ITPKA: variants seen among roughly 807,000 people sequenced by gnomAD.
The protein encoded by ITPKA is inositol-trisphosphate 3-kinase A.
A neutral mutation model predicts 40.7 loss-of-function variants in ITPKA; 16 were observed. The ratio of observed to expected loss-of-function variants is 0.39; its 90% CI spans 0.27 to 0.60. The LOEUF is 0.60. Among genes scored for constraint, ITPKA ranks in the 20% least tolerant of loss-of-function variants. The probability of loss-of-function intolerance (pLI) is 0.50; values close to 1 mark genes in which losing one functional copy is unlikely to be tolerated. For missense variants in ITPKA, 540 were observed against 649.3 expected, an observed-to-expected ratio of 0.83 and a Z score of 1.83; for synonymous variants, 313 against 289.9, an observed-to-expected ratio of 1.08 and a Z score of -0.81.
Position 41,494,505 on chromosome 15 carries a change from A to C in ITPKA, c.489+89A>C. Reference sequence around the variant, plus strand: ...GCTCCCGGAGGACCCGCTCCTGTCCATGCTCCCTCCAGCGGAAGGTCCTGT... The same window carrying C: ...GCTCCCGGAGGACCCGCTCCTGTCCCTGCTCCCTCCAGCGGAAGGTCCTGT... On this transcript the variant is annotated intron_variant, in intron 1 of 6. Transcript: ENST00000260386. This position sits in a 1 kb window ranked among gnomAD's most constrained non-coding sequence, Gnocchi z 7.8. The C allele has an allele frequency of 1.1e-6, 1 of 894,018 alleles. No homozygotes were observed. Among genetic ancestry groups the C allele is most frequent in the Non-Finnish European group, 1.6e-6 (1 of 634,554 alleles). The allele number at this position is 894,018 out of a possible 1,614,324, so 55.4% of individuals were successfully genotyped here.
chr15:41,501,641 T>A lies in ITPKA; in HGVS notation c.593T>A (p.Phe198Tyr). ...WVQLAGHTGS[F>Y]KAAGTSGLIL... ...GACGGATGCCGGTCCTCAGGGAGTT[T>A]TAAGGCGGCGGGCACCAGCGGGCTG... The change falls in exon 3 of 7, where the codon TTT becomes TAT. Residue 198 changes from phenylalanine to tyrosine, a missense_variant. Coordinates refer to ENST00000260386, the MANE Select transcript of ITPKA (RefSeq NM_002220.3). The A allele has an allele frequency of 6.2e-7, 1 of 1,606,650 alleles. No individual in the cohort carries two copies. Among genetic ancestry groups the A allele is most frequent in the Non-Finnish European group, 8.5e-7 (1 of 1,177,346 alleles).
Position 41,501,630 on chromosome 15 carries a change from C to T in ITPKA, c.587-5C>T, listed in dbSNP as rs181690872. On this transcript the variant is annotated splice_polypyrimidine_tract_variant and splice_region_variant and intron_variant, in intron 2 of 6. Coordinates refer to ENST00000260386, the MANE Select transcript of ITPKA (RefSeq NM_002220.3). ...TGGGCGGCGCTGACGGATGCCGGTC[C>T]TCAGGGAGTTTTAAGGCGGCGGGCA... 6.9e-6 allele frequency: 11 copies of T among 1,604,020 alleles called. No individual in the cohort carries two copies. The East Asian group carries it at 1.8e-4, about 26-fold the overall frequency.
At chr15:41,495,675 A>G (rs993756917) in intron 1 of ITPKA, among the ~76,000 whole-genome samples, 10 of 152,176 alleles carry the variant, frequency 6.6e-5, no homozygotes, top group African/African-American at 2.4e-4. Flanking sequence ...ACCCTTGCCT[A>G]GGTCGGGGGG....
Position 41,501,710 on chromosome 15 carries a change from G to A in ITPKA, c.662G>A (p.Arg221Gln), listed in dbSNP as rs777632933. 3.7e-6 allele frequency: 6 copies of A among 1,610,950 alleles called. No homozygotes were observed. The Admixed American group carries it at 6.7e-5, about 18-fold the overall frequency. The change falls in exon 3 of 7, where the codon CGG (arginine) becomes CAG (glutamine). Residue 221 changes from arginine (R) to glutamine (Q), a missense_variant. Arg to Gln is a conservative substitution (Grantham distance 43). Coordinates refer to ENST00000260386, the MANE Select transcript of ITPKA (RefSeq NM_002220.3). ...CSEPERYCLA[R>Q]LMADALRGCV... Reference sequence around the variant, plus strand: ...GAGCCGGAGCGCTACTGCCTGGCGCGGCTGATGGCTGACGCGCTGCGCGGC... The same window carrying A: ...GAGCCGGAGCGCTACTGCCTGGCGCAGCTGATGGCTGACGCGCTGCGCGGC...
In ITPKA at chr15:41,493,908, G is replaced by A; in HGVS notation, c.-20G>A. 9.9e-7 allele frequency: 1 copy of A among 1,006,828 alleles called. No homozygotes were observed. The highest frequency in any genetic ancestry group is 1.2e-6 in the Non-Finnish European group (1 of 845,266). The allele number at this position is 1,006,828 out of a possible 1,614,324, so 62.4% of individuals were successfully genotyped here. ...CGCGCCGCGGGCTGGTGGGCTCAGC[G>A]GCGGCGCCGGCACTGGGAAATGACC... On this transcript the variant is annotated 5_prime_UTR_variant, in exon 1 of 7. Coordinates refer to ENST00000260386, the MANE Select transcript of ITPKA (RefSeq NM_002220.3).
In ITPKA at chr15:41,498,107, C is replaced by T. The variant is rs1024356890; in HGVS notation, c.490-3356C>T. 5.3e-5 allele frequency among the ~76,000 whole-genome samples: 8 copies of T among 151,778 alleles called. No individual in the cohort carries two copies. The East Asian group carries it at 1.2e-3, about 22-fold the overall frequency. On this transcript the variant is annotated intron_variant, in intron 1 of 6. Transcript: ENST00000260386. ...GACAGAGGTAGCAGTGAGCCGAGATCGCACCACTCAAATAAATATGTACAT... is the reference window on the plus strand; with the variant it reads ...GACAGAGGTAGCAGTGAGCCGAGATTGCACCACTCAAATAAATATGTACAT...
intron 1 of ITPKA, among the ~76,000 whole-genome samples, chr15:41,497,547 C>T (rs752239187): frequency 6.6e-6 from 1 of 152,054 alleles, no homozygotes; most frequent in African/African-American, 2.4e-5. Flanking sequence ...TTTTTAAAAG[C>T]GTGATGTTCT....
Position 41,501,667 on chromosome 15 carries a change from A to C in ITPKA, c.619A>C (p.Ile207Leu), listed in dbSNP as rs762417088. 2 of 1,609,490 alleles carry C rather than the reference A, an allele frequency of 1.2e-6. No homozygotes were observed. Among genetic ancestry groups the C allele is most frequent in the Admixed American group, 3.3e-5 (2 of 59,758 alleles). The change falls in exon 3 of 7, where the codon ATC becomes CTC. Residue 207 changes from isoleucine (I) to leucine (L), a missense_variant. Physicochemically the swap from Ile to Leu is conservative, Grantham distance 5. Transcript: ENST00000260386. Reference protein sequence around the residue: ...SFKAAGTSGLILKRCSEPERY... With the variant: ...SFKAAGTSGLLLKRCSEPERY... ...TAAGGCGGCGGGCACCAGCGGGCTG[A>C]TCCTGAAGCGCTGCTCGGAGCCGGA...
At position 41,494,436 on chromosome 15, in the gene ITPKA, G is replaced by T; in HGVS notation, c.489+20G>T. On this transcript the variant is annotated intron_variant, in intron 1 of 6. Coordinates refer to ENST00000260386, the MANE Select transcript of ITPKA (RefSeq NM_002220.3). This position sits in a 1 kb window ranked among gnomAD's most constrained non-coding sequence, Gnocchi z 7.8. The stretch of plus-strand genomic sequence containing the variant: ...GGTCAGGTACGGGCCGCGGGGGCGG[G>T]GCCAGCGCCGGGCGCGGGGGCTGCA... The T allele has an allele frequency of 7.2e-7, 1 of 1,391,484 alleles. No individual in the cohort carries two copies. Among genetic ancestry groups the T allele is most frequent in the Admixed American group, 3.1e-5 (1 of 32,672 alleles). The allele number at this position is 1,391,484 out of a possible 1,614,324, so 86.2% of individuals were successfully genotyped here. A position where few individuals can be genotyped will look rare whatever the true frequency, so the allele number is the denominator to read the frequency against.
At chr15:41,502,880 T>A in intron 6 of ITPKA, 21 bp downstream of exon 6, 3 of 1,609,408 alleles carry the variant, frequency 1.9e-6, no homozygotes, top group Non-Finnish European at 2.5e-6. Flanking sequence ...GCTGCCCGGG[T>A]GCCCGGGCCG....
intron 5 of ITPKA, 34 bp from the exon 6 acceptor site, chr15:41,502,754 A>G (rs933349456): frequency 6.4e-7 from 1 of 1,560,478 alleles, no homozygotes; most frequent in Non-Finnish European, 8.7e-7. Context: ...GCGTTTAGTT[A>G]ATTTGCCCTC....
chr15:41,496,920 G>T (rs1439940265), intron 1 of ITPKA, among the ~76,000 whole-genome samples: 1 of 152,152 alleles, frequency 6.6e-6, no homozygotes, highest in Non-Finnish European at 1.5e-5. Flanking sequence ...GTATTGGGCT[G>T]GTAGAGAGCT....
In ITPKA at chr15:41,494,479, T is replaced by G; in HGVS notation, c.489+63T>G. ...GGGCTGCACGGGGGACCTGGCTGGG[T>G]GCTCCCGGAGGACCCGCTCCTGTCC... On this transcript the variant is annotated intron_variant, in intron 1 of 6. Coordinates refer to ENST00000260386, the MANE Select transcript of ITPKA (RefSeq NM_002220.3). The surrounding 1 kb of genome is among the most constrained non-coding windows in gnomAD (Gnocchi z 7.8). 1 of 1,173,056 alleles carries G rather than the reference T, an allele frequency of 8.5e-7. No homozygotes were observed. Among genetic ancestry groups the G allele is most frequent in the Non-Finnish European group, 1.1e-6 (1 of 885,160 alleles). 72.7% of individuals were successfully genotyped at this position (1,173,056 alleles called of 1,614,324 possible).
At position 41,502,042 on chromosome 15, in the gene ITPKA, G is replaced by C; in HGVS notation, c.849G>C (p.Lys283Asn). 1 of 1,613,394 alleles carries C rather than the reference G, an allele frequency of 6.2e-7. No homozygotes were observed. The highest frequency in any genetic ancestry group is 1.1e-5 in the South Asian group (1 of 91,082). The change falls in exon 4 of 7, where the codon AAG (lysine) becomes AAC (asparagine). Residue 283 changes from lysine (K) to asparagine (N), a missense_variant. Transcript: ENST00000260386. ...TGACCAAGGCCCGTGAGCGGCCCAAGCTGCGGAAGGACATGTACAAGAAAA... is the reference window on the plus strand; with the variant it reads ...TGACCAAGGCCCGTGAGCGGCCCAACCTGCGGAAGGACATGTACAAGAAAA... Reference protein sequence around the residue: ...EELTKARERPKLRKDMYKKML... With the variant: ...EELTKARERPNLRKDMYKKML...
intron 5 of ITPKA, 98 bp from the exon 6 acceptor site, chr15:41,502,690 T>C (rs1295130778): frequency 1.6e-6 from 2 of 1,217,176 alleles, no homozygotes; most frequent in Non-Finnish European, 2.3e-6. Flanking sequence ...CCTGGCGGCA[T>C]TTGCCAAGCA....
chr15:41,493,893 G>A lies in ITPKA; in HGVS notation c.-35G>A, dbSNP rs2051050743. On this transcript the variant is annotated 5_prime_UTR_variant, in exon 1 of 7. Coordinates refer to ENST00000260386, the MANE Select transcript of ITPKA (RefSeq NM_002220.3). ...CGCTCCAGTCCCCGGCGCGCCGCGG[G>A]CTGGTGGGCTCAGCGGCGGCGCCGG... 6.0e-6 allele frequency: 6 copies of A among 1,000,222 alleles called. No individual in the cohort carries two copies. In the South Asian group the frequency reaches 2.7e-4, roughly 46 times the overall value. 62.0% of individuals were successfully genotyped at this position (1,000,222 alleles called of 1,614,324 possible). A position where few individuals can be genotyped will look rare whatever the true frequency, so the allele number is the denominator to read the frequency against.
chr15:41,497,655 A>AG (rs995946118), intron 1 of ITPKA, among the ~76,000 whole-genome samples: 24 of 152,196 alleles, frequency 1.6e-4, no homozygotes, highest in African/African-American at 4.8e-5. Context: ...CATTACTGGC[A>AG]GGGGGGCTAA....
chr15:41,501,437 T>G (rs1158974759), intron 1 of ITPKA, 26 bp from the exon 2 acceptor site: 2 of 1,591,876 alleles, frequency 1.3e-6, no homozygotes, highest in Non-Finnish European at 1.7e-6. Context: ...ACGCCGATTA[T>G]CAGACCTTGA....
intron 5 of ITPKA, 126 bp from the exon 6 acceptor site, chr15:41,502,662 G>A: frequency 1.9e-6 from 2 of 1,026,392 alleles, no homozygotes; most frequent in Non-Finnish European, 1.4e-6. Flanking sequence ...CACGCTGGGC[G>A]GGGCCCTGGG....
Sources: gnomAD v4.1 joint callset for allele counts (sites outside exome capture counted in the v4.1 genomes callset) on GRCh38, gnomAD v4.1.1 for gene constraint, Gnocchi (gnomAD v3.1) non-coding constraint, MANE v1.5 for transcripts, NCBI Gene and HGNC (gene_info 2026-07-23, HGNC 2026-07-21) for gene names.